ADAM19: variants seen among roughly 807,000 people sequenced by gnomAD.
The protein encoded by ADAM19 is ADAM metallopeptidase domain 19, also known as disintegrin and metalloproteinase domain-containing protein 19.
In ADAM19, 65 loss-of-function variants were observed where a neutral mutation model predicts 114.7. The ratio of observed to expected loss-of-function variants is 0.57; its 90% CI spans 0.46 to 0.70. The LOEUF (loss-of-function observed/expected upper bound fraction) is 0.70. Ranked by LOEUF, ADAM19 falls within the 30% of genes least tolerant of loss-of-function variation. The probability of loss-of-function intolerance (pLI) is 0.00; values close to 1 mark genes in which losing one functional copy is unlikely to be tolerated. For missense variants in ADAM19, 1,063 were observed against 1,204.7 expected (o/e 0.88, Z 1.74); for synonymous variants, 466 against 460.5 (o/e 1.01, Z -0.15).
intron 3 of ADAM19, among the ~76,000 whole-genome samples, chr5:157,558,684 G>T (rs1195834373): frequency 6.6e-6 from 1 of 152,162 alleles, no homozygotes; most frequent in Non-Finnish European, 1.5e-5. Flanking sequence ...AAGCTGGGAG[G>T]GTGGAGGTGG....
At position 157,480,891 on chromosome 5, in the gene ADAM19, A is replaced by G. The variant is rs953549668; in HGVS notation, c.*58T>C. On this transcript the variant is annotated 3_prime_UTR_variant, in exon 23 of 23. Transcript: ENST00000257527. ...CATGCTTCTTCAGGGTTCCATGGCC[A>G]TGGGTCCTCTGCAGTGTCCAGAGAG... The G allele has an allele frequency of 9.4e-5, 152 of 1,612,446 alleles. 1 individual carries two copies. The highest frequency in any genetic ancestry group is 7.4e-4 in the Admixed American group (44 of 59,744).
At chr5:157,488,073 G>C (rs1390971986) in intron 21 of ADAM19, among the ~76,000 whole-genome samples, 192 bp downstream of exon 21, 1 of 152,174 alleles carries the variant, frequency 6.6e-6, no homozygotes, top group Non-Finnish European at 1.5e-5. Flanking sequence ...CATGGTTTAG[G>C]AGCTTCTTAG....
chr5:157,495,743 C>A (rs1755340947), intron 14 of ADAM19, among the ~76,000 whole-genome samples: 1 of 152,080 alleles, frequency 6.6e-6, no homozygotes, highest in African/African-American at 2.4e-5. Context: ...AAGAGATTCT[C>A]CTGTCTTAGC....
chr5:157,519,223 A>C (rs1267077393), intron 6 of ADAM19, among the ~76,000 whole-genome samples: 2 of 152,236 alleles, frequency 1.3e-5, no homozygotes, highest in Non-Finnish European at 2.9e-5. Context: ...CGAAACCTCG[A>C]AACACCATGC....
chr5:157,542,436 A>C (rs1432262265), intron 3 of ADAM19, among the ~76,000 whole-genome samples: 2 of 152,256 alleles, frequency 1.3e-5, no homozygotes. Flanking sequence ...TGGTTTAAGC[A>C]GCAGCTGCAC....
Position 157,573,629 on chromosome 5 carries a change from C to T in ADAM19, c.94+1974G>A, listed in dbSNP as rs368684409. ...GGTGTGGTGGCACATGCCAATAAGC[C>T]CAGCTACTCAGGAGGCTGAGGCAGG... On this transcript the variant is annotated intron_variant, in intron 1 of 22. Transcript: ENST00000257527. Among the ~76,000 whole-genome samples the T allele has an allele frequency of 7.2e-5, 11 of 152,060 alleles. 1 individual carries two copies. The highest frequency in any genetic ancestry group is 5.9e-4 in the Admixed American group (9 of 15,276).
chr5:157,518,347 C>T (rs547602625), intron 7 of ADAM19, among the ~76,000 whole-genome samples: 2 of 152,004 alleles, frequency 1.3e-5, no homozygotes, highest in Non-Finnish European at 2.9e-5. Context: ...GGGGGAGTTC[C>T]CCCCAACTAT....
chr5:157,554,239 C>T (rs763241437), intron 3 of ADAM19, among the ~76,000 whole-genome samples: 8 of 152,224 alleles, frequency 5.3e-5, no homozygotes, highest in Non-Finnish European at 8.8e-5. Flanking sequence ...TCCACAGCTT[C>T]CCTTAGTTCG....
intron 6 of ADAM19, 25 bp from the exon 7 acceptor site, chr5:157,518,913 C>G (rs752746189): frequency 9.5e-5 from 152 of 1,605,906 alleles, no homozygotes; most frequent in Non-Finnish European, 1.3e-4. Flanking sequence ...CAGATCAGCG[C>G]TGTAGAAATA....
intron 2 of ADAM19, among the ~76,000 whole-genome samples, chr5:157,569,289 A>C (rs1008903783): frequency 4.6e-5 from 6 of 131,442 alleles, no homozygotes; most frequent in African/African-American, 1.8e-4. Context: ...CTCAGACTGG[A>C]GGACAGTGAT....
intron 22 of ADAM19, 45 bp downstream of exon 22, chr5:157,481,746 C>T: frequency 1.3e-6 from 2 of 1,553,672 alleles, no homozygotes; most frequent in Non-Finnish European, 1.7e-6. Context: ...CCCCCTGGAG[C>T]CCTCTGGTAC....
Position 157,479,666 on chromosome 5 carries a change from GA to G in ADAM19, c.*1282del. On this transcript the variant is annotated 3_prime_UTR_variant, in exon 23 of 23. Transcript: ENST00000257527. ...GCAGTGACCAGAGAGAGAACAAAAG[GA>G]AGTGAATGACAAAAAGCTGGGTTGA... is the stretch of plus-strand genomic sequence containing the variant. 1 of 986,042 alleles carries G rather than the reference GA, an allele frequency of 1.0e-6. No homozygotes were observed. The highest frequency in any genetic ancestry group is 1.2e-6 in the Non-Finnish European group (1 of 830,152). 61.1% of individuals were successfully genotyped at this position (986,042 alleles called of 1,614,324 possible).
chr5:157,532,644 G>A (rs1756657831), intron 4 of ADAM19, among the ~76,000 whole-genome samples: 5 of 152,180 alleles, frequency 3.3e-5, no homozygotes, highest in Admixed American at 3.3e-4. Context: ...AAACCACACA[G>A]TTGCAGACAT....
At chr5:157,534,820 C>A (rs181326120) in intron 4 of ADAM19, among the ~76,000 whole-genome samples, 157 of 152,280 alleles carry the variant, frequency 1.0e-3, no homozygotes, top group African/African-American at 3.6e-3. Context: ...CACAAGGTGA[C>A]ACAGCAAAGT....
rs775083602 is a variant in ADAM19, at chr5:157,499,599, G to A, written c.1372C>T (p.His458Tyr). The A allele has an allele frequency of 1.2e-6, 2 of 1,613,456 alleles. No individual in the cohort carries two copies. ...CTLRPGAECA[H>Y]GSCCHQCKLL... is the part of the protein sequence containing the mutation. ...TTACACTGGTGGCAGCAGGAGCCGTGAGCACACTCCGCCCCCGGCCTCAGG... is the reference window on the plus strand; with the variant it reads ...TTACACTGGTGGCAGCAGGAGCCGTAAGCACACTCCGCCCCCGGCCTCAGG... Residue 458 changes from histidine to tyrosine, a missense_variant, in exon 13 of 23, where the codon CAC (histidine) becomes TAC (tyrosine). Transcript: ENST00000257527.
chr5:157,546,579 C>T (rs1285267382), intron 3 of ADAM19, among the ~76,000 whole-genome samples: 1 of 152,218 alleles, frequency 6.6e-6, no homozygotes. Context: ...CCCAGCACTC[C>T]AGTCTCCCTC....
chr5:157,524,505 G>C (rs1412117942), intron 5 of ADAM19, among the ~76,000 whole-genome samples: 1 of 152,198 alleles, frequency 6.6e-6, no homozygotes, highest in Non-Finnish European at 1.5e-5. Flanking sequence ...GCTTCCTGGG[G>C]ACTTGTCCAT....
In ADAM19 at chr5:157,507,124, C is replaced by T. The variant is rs1400522936; in HGVS notation, c.922G>A (p.Gly308Ser). 20 of 1,613,812 alleles carry T rather than the reference C, an allele frequency of 1.2e-5. No individual in the cohort carries two copies. Among genetic ancestry groups the T allele is most frequent in the South Asian group, 4.4e-5 (4 of 91,074 alleles). Residue 308 changes from glycine to serine, a missense_variant, in exon 10 of 23, where the codon GGC (glycine) becomes AGC (serine). Gly to Ser is a moderately conservative substitution (Grantham distance 56). Around this residue, in one of 3 missense-constraint regions of ADAM19, gnomAD observed 615 missense variants for 706.3 expected, o/e 0.87. Transcript: ENST00000257527. ...AGGGGGGCCAGGCCGATGGTGGTGC[C>T]GTGGAAGGACATGCCCCTGCAGGAG... ...AQLITGMSFHGTTIGLAPLMA... is the reference protein window; with the variant it reads ...AQLITGMSFHSTTIGLAPLMA...
chr5:157,530,960 G>A (rs1756607312), intron 4 of ADAM19, 77 bp from the exon 5 acceptor site: 1 of 1,281,272 alleles, frequency 7.8e-7, no homozygotes. Flanking sequence ...GGATGGTCAT[G>A]GATGACTCAT....
Sources: allele counts gnomAD v4.1 joint callset (sites outside exome capture counted in the v4.1 genomes callset), GRCh38; gene constraint gnomAD v4.1.1; regional missense constraint gnomAD v4.1.1; transcripts MANE v1.5; gene names NCBI Gene and HGNC (gene_info 2026-07-23, HGNC 2026-07-21).